Variants in MRO observed in about 807,000 individuals in gnomAD.
The protein encoded by MRO is maestro.
MRO carries 28 observed loss-of-function variants against 31.0 expected under a neutral mutation model. The observed-to-expected ratio is 0.90, with a 90% CI of 0.67 to 1.24. MRO has a LOEUF of 1.24. MRO is among the 50% of genes most tolerant of loss of function. The pLI is 0.00. For missense variants in MRO, 332 were observed against 289.2 expected (o/e 1.15, Z -1.07); for synonymous variants, 108 against 108.4 (o/e 1.00, Z 0.02).
chr18:50,818,048 C>T (rs1297344272), intron 2 of MRO, among the ~76,000 whole-genome samples: 1 of 137,918 alleles, frequency 7.3e-6, no homozygotes, highest in Non-Finnish European at 1.5e-5. Context: ...CTTTCTAAAA[C>T]ATGAAGTCCT....
chr18:50,804,777 C>T (rs138985603), intron 5 of MRO, among the ~76,000 whole-genome samples: 9 of 152,168 alleles, frequency 5.9e-5, no homozygotes, highest in East Asian at 3.9e-4. Context: ...ACAAACCACC[C>T]GCAGCTCACA....
rs2586776 is a variant in MRO, at chr18:50,805,154, G to T, written c.429C>A (p.Asp143Glu). The T allele has an allele frequency of 1.0e-5, 16 of 1,606,464 alleles. No individual in the cohort carries two copies. Among genetic ancestry groups the T allele is most frequent in the Admixed American group, 1.7e-5 (1 of 59,642 alleles). ...ITLQTRTLLD[D>E]ENDSLRYSAF... The stretch of plus-strand genomic sequence containing the variant: ...CCCAGAATTTTTCTGATTTACTTAC[G>T]TCATCTAATAAAGTCCTGGTCTGAA... The change falls in exon 5 of 8, where the codon GAC becomes GAA. Residue 143 changes from aspartate to glutamate, a missense_variant and splice_region_variant. Transcript: ENST00000398439.
chr18:50,818,855 C>A (rs1915142647), intron 2 of MRO, among the ~76,000 whole-genome samples: 1 of 151,960 alleles, frequency 6.6e-6, no homozygotes, highest in African/African-American at 2.4e-5. Flanking sequence ...GAGATCAAGA[C>A]CAGCCTGAGC....
At chr18:50,823,057 G>C (rs1915367231), upstream of MRO, among the ~76,000 whole-genome samples, 1 of 152,256 alleles carries the variant, frequency 6.6e-6, no homozygotes, top group Middle Eastern at 3.4e-3. Context: ...CCTGCGCTTA[G>C]TGAAACCTGT....
chr18:50,819,326 A>G (rs1447916758), intron 2 of MRO: 31 of 593,928 alleles, frequency 5.2e-5, no homozygotes, highest in Non-Finnish European at 6.3e-5. Flanking sequence ...ATTCTATTAT[A>G]TTGCTGACAA....
At position 50,820,005 on chromosome 18, in the gene MRO, G is replaced by C; in HGVS notation, c.-235C>G. Reference sequence around the variant, plus strand: ...CGACACTTTCTGCAGAAATTCTGCAGATGGCAATTCTGGGGACCTTTCCTC... The same window carrying C: ...CGACACTTTCTGCAGAAATTCTGCACATGGCAATTCTGGGGACCTTTCCTC... On this transcript the variant is annotated 5_prime_UTR_variant, in exon 1 of 8. In the 5' UTR this introduces an upstream ATG that the reference lacks. Coordinates refer to ENST00000398439, the MANE Select transcript of MRO (RefSeq NM_031939.6). 6.6e-7 allele frequency: 1 copy of C among 1,522,868 alleles called. No homozygotes were observed. 94.3% of individuals were successfully genotyped at this position (1,522,868 alleles called of 1,614,324 possible).
upstream of MRO, chr18:50,820,128 A>G: frequency 1.6e-6 from 1 of 626,744 alleles, no homozygotes; most frequent in Non-Finnish European, 2.8e-6. Context: ...CCCTGCACAA[A>G]GCCGCCGCCG....
At chr18:50,819,560 C>A (rs1915202814) in intron 2 of MRO, 21 bp downstream of exon 2, 1 of 1,551,054 alleles carries the variant, frequency 6.4e-7, no homozygotes, top group Non-Finnish European at 8.7e-7. Flanking sequence ...TCTGGCTGCC[C>A]CGGCCAACAG....
chr18:50,824,252 T>C (rs1026804041), upstream of MRO: 2 of 151,958 alleles, frequency 1.3e-5, no homozygotes, highest in Admixed American at 6.6e-5. Flanking sequence ...CTAGGCAACA[T>C]AGGGAGACCC....
intron 3 of MRO, 66 bp downstream of exon 3, chr18:50,809,236 G>C: frequency 8.3e-7 from 1 of 1,211,532 alleles, no homozygotes; most frequent in Non-Finnish European, 1.2e-6. Flanking sequence ...CACAGACCAA[G>C]CAAACATACA....
Position 50,806,722 on chromosome 18 carries a change from G to T in MRO, c.228C>A (p.Ala76=), listed in dbSNP as rs569083454. The T allele has an allele frequency of 6.2e-7, 1 of 1,614,186 alleles. No homozygotes were observed. The highest frequency in any genetic ancestry group is 1.3e-5 in the African/African-American group (1 of 75,048). ...TCCCTACCTTGTCAGGGGCTTCATA[G>T]GCCATGGTTCCCAAGTTTCTCATTG... ...HMAMRNLGTM[A]YEAPDKVRKY... Residue 76 remains alanine (A), a synonymous_variant, in exon 4 of 8, where the codon GCC becomes GCA. Coordinates refer to ENST00000398439, the MANE Select transcript of MRO (RefSeq NM_031939.6).
At chr18:50,805,653 G>C (rs954372052) in intron 4 of MRO, among the ~76,000 whole-genome samples, 10 of 152,146 alleles carry the variant, frequency 6.6e-5, no homozygotes, top group African/African-American at 2.4e-4. Context: ...TACCTTTATA[G>C]TGGGGAGGAG....
chr18:50,801,384 T>C lies in MRO; in HGVS notation c.550A>G (p.Ile184Val). 1.9e-6 allele frequency: 3 copies of C among 1,609,788 alleles called. No individual in the cohort carries two copies. The highest frequency in any genetic ancestry group is 2.5e-6 in the Non-Finnish European group (3 of 1,177,428). ...QVKQTRDSLL[I>V]HLQDRNPQVA... ...TGGGGATTTCTGTCCTGTAAATGGA[T>C]CAGGAGGGAATCTCGTGTCTGCTTA... The change falls in exon 6 of 8, where the codon ATC (isoleucine) becomes GTC (valine). Residue 184 changes from isoleucine (I) to valine (V), a missense_variant. Physicochemically the swap from Ile to Val is conservative, Grantham distance 29 (BLOSUM62 3). Transcript: ENST00000398439.
At position 50,797,966 on chromosome 18, in the gene MRO, C is replaced by T. The variant is rs74820194; in HGVS notation, c.*1371G>A. 0.028 allele frequency: 4,284 copies of T among 152,598 alleles called. 80 individuals carry two copies. Among genetic ancestry groups the T allele is most frequent in the Non-Finnish European group, 0.041 (2,769 of 68,060 alleles). 9.5% of individuals were successfully genotyped at this position (152,598 alleles called of 1,614,324 possible). On this transcript the variant is annotated 3_prime_UTR_variant, in exon 8 of 8. Coordinates refer to ENST00000398439, the MANE Select transcript of MRO (RefSeq NM_031939.6). ...TCTCCTCATCCCCGCATCTGTGTCA[C>T]ACCACCCTGTCCCTGGGAGCTACAG...
intron 2 of MRO, among the ~76,000 whole-genome samples, chr18:50,813,025 G>A (rs1326324025): frequency 6.6e-6 from 1 of 152,106 alleles, no homozygotes; most frequent in East Asian, 1.9e-4. Context: ...AAAAGTCCTG[G>A]CCAAACCAAG....
chr18:50,809,551 A>G, intron 2 of MRO, 147 bp from the exon 3 acceptor site: 1 of 530,736 alleles, frequency 1.9e-6, no homozygotes, highest in Admixed American at 3.5e-5. Context: ...GTGGTGAGAT[A>G]GAACAGTCAC....
At chr18:50,801,698 G>T (rs911697063) in intron 5 of MRO, among the ~76,000 whole-genome samples, 194 bp from the exon 6 acceptor site, 3 of 152,090 alleles carry the variant, frequency 2.0e-5, no homozygotes, top group African/African-American at 7.2e-5. Flanking sequence ...GGTGGGTGGG[G>T]GTGGCTTGAA....
rs1912758770 is a variant in MRO, at chr18:50,795,991, G to T, written c.*3346C>A. ...CTATCTCATGAGCACCAGAGACACA[G>T]GGACCAAGCAAAGCTCTACCCTGGG... On this transcript the variant is annotated 3_prime_UTR_variant, in exon 8 of 8. Transcript: ENST00000398439. The T allele has an allele frequency of 6.6e-6, 1 of 152,108 alleles. No homozygotes were observed. Among genetic ancestry groups the T allele is most frequent in the Admixed American group, 6.6e-5 (1 of 15,258 alleles). 9.4% of individuals were successfully genotyped at this position (152,108 alleles called of 1,614,324 possible).
intron 2 of MRO, among the ~76,000 whole-genome samples, chr18:50,812,048 G>A (rs1914524104): frequency 6.6e-6 from 1 of 151,998 alleles, no homozygotes; most frequent in South Asian, 2.1e-4. Flanking sequence ...GCCATCATAT[G>A]GTAATTCTAT....
Sources: gnomAD v4.1 joint callset for allele counts (sites outside exome capture counted in the v4.1 genomes callset) on GRCh38, gnomAD v4.1.1 for gene constraint, MANE v1.5 for transcripts, NCBI Gene and HGNC (gene_info 2026-07-23, HGNC 2026-07-21) for gene names.